MED12L: variants seen among roughly 807,000 people sequenced by gnomAD.
MED12L encodes mediator of RNA polymerase II transcription subunit 12-like protein.
Under a neutral mutation model 281.3 loss-of-function variants are expected in MED12L, and 60 were observed. The observed-to-expected ratio is 0.21, with a 90% CI of 0.17 to 0.26. MED12L has a LOEUF of 0.26. Among genes scored for constraint, MED12L ranks in the 10% least tolerant of loss-of-function variants. The pLI is 1.00. For synonymous variants in MED12L, 974 were observed against 987.2 expected (o/e 0.99, Z 0.25); for missense variants, 2,146 against 2,680.9 (o/e 0.80, Z 4.41).
At chr3:151,336,048 A>G (rs555033542) in intron 16 of MED12L, among the ~76,000 whole-genome samples, 3 of 152,220 alleles carry the variant, frequency 2.0e-5, no homozygotes, top group African/African-American at 7.2e-5. Context: ...TCCATGCTCT[A>G]CCCCAACTTG....
intron 36 of MED12L, among the ~76,000 whole-genome samples, chr3:151,387,199 C>T (rs993377624): frequency 3.5e-4 from 44 of 124,070 alleles, no homozygotes; most frequent in African/African-American, 1.1e-3. Flanking sequence ...AGAGGGTAAC[C>T]GTTTTTTTTT....
At chr3:151,360,702 A>G in intron 21 of MED12L, 97 bp downstream of exon 21, 3 of 1,159,168 alleles carry the variant, frequency 2.6e-6, no homozygotes, top group Non-Finnish European at 3.7e-6. Context: ...ATGAAAGCTA[A>G]TTGCAATTGT....
intron 39 of MED12L, among the ~76,000 whole-genome samples, chr3:151,396,611 G>GT (rs772800752): frequency 5.7e-4 from 87 of 152,224 alleles, no homozygotes; most frequent in Non-Finnish European, 1.2e-3. Context: ...GGTCAACAGA[G>GT]TGAGACTCCG....
intron 43 of MED12L, among the ~76,000 whole-genome samples, chr3:151,416,725 G>A (rs535337336): frequency 1.1e-4 from 16 of 152,088 alleles, no homozygotes; most frequent in East Asian, 1.9e-4. Flanking sequence ...ATGATAAAAC[G>A]ATGATTTACT....
At chr3:151,133,191 G>A (rs965013597) in intron 5 of MED12L, among the ~76,000 whole-genome samples, 2 of 152,148 alleles carry the variant, frequency 1.3e-5, no homozygotes, top group African/African-American at 4.8e-5. Flanking sequence ...ATAGAAACGT[G>A]TTTTATTTTC....
At chr3:151,186,954 T>C (rs1344505003) in intron 12 of MED12L, among the ~76,000 whole-genome samples, 3 of 152,210 alleles carry the variant, frequency 2.0e-5, no homozygotes, top group Admixed American at 2.0e-4. Flanking sequence ...GGATGAGCCT[T>C]AGCTGGCTCT....
intron 16 of MED12L, among the ~76,000 whole-genome samples, chr3:151,221,010 G>A (rs1729233220): frequency 6.6e-6 from 1 of 152,204 alleles, no homozygotes; most frequent in Non-Finnish European, 1.5e-5. Flanking sequence ...TAGTGATATG[G>A]ACGATAAAGT....
chr3:151,262,410 C>G (rs144921684), intron 16 of MED12L, among the ~76,000 whole-genome samples: 3 of 152,134 alleles, frequency 2.0e-5, no homozygotes, highest in Non-Finnish European at 4.4e-5. Context: ...TAATGCTGGG[C>G]CCTGTGGTGA....
intron 16 of MED12L, among the ~76,000 whole-genome samples, chr3:151,319,627 G>A (rs1188970847): frequency 6.6e-6 from 1 of 151,916 alleles, no homozygotes; most frequent in Non-Finnish European, 1.5e-5. Context: ...TGTTCAACTA[G>A]ATTTCATCTA....
At chr3:151,303,777 A>G (rs929553914) in intron 16 of MED12L, among the ~76,000 whole-genome samples, 2 of 149,330 alleles carry the variant, frequency 1.3e-5, no homozygotes, top group African/African-American at 4.8e-5. Context: ...CAAACAAACA[A>G]ACAAAAAACC....
chr3:151,278,928 T>A (rs148606621), intron 16 of MED12L, among the ~76,000 whole-genome samples: 1 of 152,236 alleles, frequency 6.6e-6, no homozygotes, highest in Non-Finnish European at 1.5e-5. Context: ...TACTGATAAA[T>A]AGATCACAAG....
intron 16 of MED12L, among the ~76,000 whole-genome samples, chr3:151,247,076 C>G (rs1370773518): frequency 2.0e-5 from 3 of 152,184 alleles, no homozygotes; most frequent in Non-Finnish European, 4.4e-5. Flanking sequence ...CCATCTCACA[C>G]CAGTTAGATT....
intron 12 of MED12L, among the ~76,000 whole-genome samples, chr3:151,185,890 A>G (rs762662011): frequency 2.0e-5 from 3 of 152,176 alleles, no homozygotes; most frequent in Non-Finnish European, 2.9e-5. Context: ...TTAGCATCTG[A>G]TTTAGAACAA....
chr3:151,294,576 C>T lies in MED12L; in HGVS notation c.2251-55483C>T, dbSNP rs756616654. 45 of 1,614,004 alleles carry T rather than the reference C, an allele frequency of 2.8e-5. No individual in the cohort carries two copies. The Admixed American group carries it at 4.7e-4, about 17-fold the overall frequency. On this transcript the variant is annotated intron_variant, in intron 16 of 44. Transcript: ENST00000687756. ...TACCTGGATATGGCTATGTAACATC[C>T]GATCAGAATCACCAGCACGGCCACA...
chr3:151,389,881 G>T (rs982408035), intron 37 of MED12L, 98 bp from the exon 38 acceptor site: 7 of 1,165,006 alleles, frequency 6.0e-6, no homozygotes, highest in Admixed American at 5.4e-5. Context: ...TGTACATTGG[G>T]ATAGGAGGTA....
At chr3:151,107,370 A>C (rs910990417) in intron 2 of MED12L, among the ~76,000 whole-genome samples, 3 of 151,926 alleles carry the variant, frequency 2.0e-5, no homozygotes, top group African/African-American at 7.3e-5. Flanking sequence ...TTCTTGTCTA[A>C]CTCCCCAGAC....
chr3:151,344,736 GA>G (rs1173499866), intron 16 of MED12L, among the ~76,000 whole-genome samples: 4 of 152,150 alleles, frequency 2.6e-5, no homozygotes, highest in Non-Finnish European at 4.4e-5. Flanking sequence ...TTAGTGTTTG[GA>G]AGAAAGGAAG....
intron 20 of MED12L, among the ~76,000 whole-genome samples, chr3:151,358,977 T>C (rs1236675845): frequency 6.6e-6 from 1 of 152,206 alleles, no homozygotes; most frequent in African/African-American, 2.4e-5. Flanking sequence ...ACAGGTTTAT[T>C]ACAAAGGTAT....
chr3:151,184,320 T>TCATG (rs1480575385), intron 11 of MED12L, among the ~76,000 whole-genome samples: 1 of 152,232 alleles, frequency 6.6e-6, no homozygotes, highest in Non-Finnish European at 1.5e-5. Flanking sequence ...TGTGCTAAGT[T>TCATG]CATGCATGTA....
Sources: allele counts gnomAD v4.1 joint callset (sites outside exome capture counted in the v4.1 genomes callset), GRCh38; gene constraint gnomAD v4.1.1; transcripts MANE v1.5; gene names NCBI Gene and HGNC (gene_info 2026-07-23, HGNC 2026-07-21).